The following VKORC1L1 variants were observed in gnomAD, a reference collection of about 807,000 sequenced individuals.
VKORC1L1 encodes the protein vitamin K epoxide reductase complex subunit 1-like protein 1.
Under a neutral mutation model 18.9 loss-of-function variants are expected in VKORC1L1, and 2 were observed. The ratio of observed to expected loss-of-function variants is 0.11; its 90% CI spans 0.04 to 0.33. The LOEUF (loss-of-function observed/expected upper bound fraction) is 0.33, where lower values mean the gene tolerates loss of function less well. Ranked by LOEUF, VKORC1L1 falls within the 10% of genes least tolerant of loss-of-function variation. The pLI is 1.00. For synonymous variants in VKORC1L1, 96 were observed against 100.0 expected (o/e 0.96, Z 0.24); for missense variants, 123 against 224.1 (o/e 0.55, Z 2.88).
chr7:65,926,170 A>ATTC (rs1789761334), intron 1 of VKORC1L1, among the ~76,000 whole-genome samples: 2 of 132,592 alleles, frequency 1.5e-5, no homozygotes, highest in Admixed American at 1.5e-4. Context: ...TATTATTATT[A>ATTC]TTTGAGACAG....
Position 65,948,653 on chromosome 7 carries a change from G to A in VKORC1L1, c.195-18G>A. On this transcript the variant is annotated intron_variant, in intron 1 of 2. Coordinates refer to ENST00000360768, the MANE Select transcript of VKORC1L1 (RefSeq NM_173517.6). ...GGGAAATTCAAATATAGGGTTACTG[G>A]TTTTCCTTATTTTACAGATGGGGTC... 1 of 917,742 alleles carries A rather than the reference G, an allele frequency of 1.1e-6. No homozygotes were observed. The highest frequency in any genetic ancestry group is 1.6e-6 in the Non-Finnish European group (1 of 622,626). The allele number at this position is 917,742 out of a possible 1,614,324, so 56.8% of individuals were successfully genotyped here.
At chr7:65,937,180 C>T (rs1335221037) in intron 1 of VKORC1L1, among the ~76,000 whole-genome samples, 1 of 152,164 alleles carries the variant, frequency 6.6e-6, no homozygotes, top group Non-Finnish European at 1.5e-5. Flanking sequence ...TTGGGCAATT[C>T]TGCAAAGAAG....
intron 1 of VKORC1L1, among the ~76,000 whole-genome samples, chr7:65,883,549 G>T (rs561912929): frequency 5.9e-5 from 9 of 152,004 alleles, no homozygotes; most frequent in Non-Finnish European, 1.2e-4. Flanking sequence ...ACCCAGGCTG[G>T]AGTGCAGTGG....
rs1790328951 is a variant in VKORC1L1, at chr7:65,958,072, T to A, written c.*3772T>A. 1 of 152,150 alleles carries A rather than the reference T, an allele frequency of 6.6e-6. No homozygotes were observed. 9.4% of individuals were successfully genotyped at this position (152,150 alleles called of 1,614,324 possible). A position where few individuals can be genotyped will look rare whatever the true frequency, so the allele number is the denominator to read the frequency against. The stretch of plus-strand genomic sequence containing the variant: ...CTAATGACCTAATATGCAATTTCTG[T>A]CCTCGTGTCTTTTTCTCTAACACAC... On this transcript the variant is annotated 3_prime_UTR_variant, in exon 3 of 3. Transcript: ENST00000360768.
At chr7:65,913,200 C>A (rs999884041) in intron 1 of VKORC1L1, among the ~76,000 whole-genome samples, 1 of 152,156 alleles carries the variant, frequency 6.6e-6, no homozygotes, top group Non-Finnish European at 1.5e-5. Context: ...AAATATATAT[C>A]ATATTCTTAA....
rs1252696853 is a variant in VKORC1L1 at position 65,955,528 on chromosome 7, TAAG to T, written c.*1233_*1235del. Reference sequence around the variant, plus strand: ...TGCTCTCATAATGACACACATGCAGTAAGAAGACTTTTGTAAGGGGATTTGAGT... The same window carrying T: ...TGCTCTCATAATGACACACATGCAGTAAGACTTTTGTAAGGGGATTTGAGT... On this transcript the variant is annotated 3_prime_UTR_variant, in exon 3 of 3. Transcript: ENST00000360768. 6.6e-6 allele frequency: 1 copy of T among 152,282 alleles called. No individual in the cohort carries two copies. Among genetic ancestry groups the T allele is most frequent in the Non-Finnish European group, 1.5e-5 (1 of 68,046 alleles). 9.4% of individuals were successfully genotyped at this position (152,282 alleles called of 1,614,324 possible).
At chr7:65,926,107 CAATAAG>C (rs1157364102) in intron 1 of VKORC1L1, among the ~76,000 whole-genome samples, 3 of 149,390 alleles carry the variant, frequency 2.0e-5, no homozygotes, top group African/African-American at 4.9e-5. Context: ...AAGCCACACT[CAATAAG>C]AATTCTATTC....
intron 1 of VKORC1L1, among the ~76,000 whole-genome samples, chr7:65,875,696 C>T (rs1788816299): frequency 1.3e-5 from 2 of 152,158 alleles, no homozygotes; most frequent in South Asian, 4.1e-4. Context: ...GGATTACAGA[C>T]GTGAGCCACC....
intron 1 of VKORC1L1, among the ~76,000 whole-genome samples, chr7:65,917,973 G>C (rs73142171): frequency 0.036 from 5,522 of 152,264 alleles, 156 homozygotes; most frequent in Non-Finnish European, 0.06. Context: ...GGTCGCGATA[G>C]GTTAGTAGTG....
chr7:65,935,854 CT>C (rs1789934072), intron 1 of VKORC1L1, among the ~76,000 whole-genome samples: 1 of 151,996 alleles, frequency 6.6e-6, no homozygotes, highest in African/African-American at 2.4e-5. Flanking sequence ...TTTTTCATAC[CT>C]TTTTGTGCAT....
At chr7:65,918,965 C>T (rs897082772) in intron 1 of VKORC1L1, among the ~76,000 whole-genome samples, 2 of 152,038 alleles carry the variant, frequency 1.3e-5, no homozygotes, top group African/African-American at 2.4e-5. Context: ...TGTGATGGTA[C>T]GTGATTGTAA....
At chr7:65,884,869 C>A (rs2116342173) in intron 1 of VKORC1L1, among the ~76,000 whole-genome samples, 1 of 152,158 alleles carries the variant, frequency 6.6e-6, no homozygotes, top group East Asian at 1.9e-4. Context: ...TTTATAATCA[C>A]CTTGTTTGAT....
chr7:65,898,679 T>A (rs189055111), intron 1 of VKORC1L1, among the ~76,000 whole-genome samples: 70 of 152,370 alleles, frequency 4.6e-4, no homozygotes, highest in Non-Finnish European at 4.4e-4. Context: ...TAACATTTTT[T>A]AAAATTTTTA....
At chr7:65,912,409 T>C (rs1356454624) in intron 1 of VKORC1L1, among the ~76,000 whole-genome samples, 1 of 152,276 alleles carries the variant, frequency 6.6e-6, no homozygotes, top group Admixed American at 6.5e-5. Flanking sequence ...TGTTGACAGC[T>C]GATGCATTTC....
the VKORC1L1 span, among the ~76,000 whole-genome samples, chr7:65,865,984 G>T: frequency 6.6e-6 from 1 of 151,862 alleles, no homozygotes; most frequent in Non-Finnish European, 1.5e-5. Context: ...GCTCAGTGTG[G>T]TGGCACATGC....
intron 1 of VKORC1L1, among the ~76,000 whole-genome samples, chr7:65,875,121 A>G (rs1788804185): frequency 6.6e-6 from 1 of 152,208 alleles, no homozygotes; most frequent in Non-Finnish European, 1.5e-5. Flanking sequence ...AAGATTTGCT[A>G]ATAAGAAGAG....
chr7:65,926,748 T>C (rs1789771886), intron 1 of VKORC1L1, among the ~76,000 whole-genome samples: 1 of 152,152 alleles, frequency 6.6e-6, no homozygotes, highest in African/African-American at 2.4e-5. Context: ...GTGGTATATA[T>C]ACATCAGGGA....
chr7:65,928,237 C>T (rs921357453), intron 1 of VKORC1L1, among the ~76,000 whole-genome samples: 1 of 151,316 alleles, frequency 6.6e-6, no homozygotes, highest in Non-Finnish European at 1.5e-5. Flanking sequence ...CAATCCCTAC[C>T]CCTACCTTTT....
intron 1 of VKORC1L1, among the ~76,000 whole-genome samples, chr7:65,941,680 T>G (rs1265508686): frequency 1.4e-5 from 2 of 141,528 alleles, no homozygotes; most frequent in African/African-American, 2.6e-5. Flanking sequence ...AAGGTTTTTT[T>G]TTTTTTTTTT....
Sources: allele counts gnomAD v4.1 joint callset (sites outside exome capture counted in the v4.1 genomes callset), GRCh38; gene constraint gnomAD v4.1.1; transcripts MANE v1.5; gene names NCBI Gene and HGNC (gene_info 2026-07-23, HGNC 2026-07-21).